RGL1: variants seen among roughly 807,000 people sequenced by gnomAD.
RGL1 encodes the protein ral guanine nucleotide dissociation stimulator-like 1.
A neutral mutation model predicts 95.2 loss-of-function variants in RGL1; 24 were observed. The ratio of observed to expected loss-of-function variants is 0.25; its 90% CI spans 0.18 to 0.35. The LOEUF (loss-of-function observed/expected upper bound fraction) is 0.35. Among genes scored for constraint, RGL1 ranks in the 10% least tolerant of loss-of-function variants. The pLI, the probability that RGL1 is intolerant of heterozygous loss-of-function variation, is 1.00. For missense variants in RGL1, 715 were observed against 936.3 expected (o/e 0.76, Z 3.08); for synonymous variants, 329 against 344.9 (o/e 0.95, Z 0.51).
chr1:183,831,865 A>G (rs1663281001), intron 2 of RGL1, among the ~76,000 whole-genome samples: 1 of 152,200 alleles, frequency 6.6e-6, no homozygotes, highest in South Asian at 2.1e-4. Flanking sequence ...AATAAATACA[A>G]CCTAATATGG....
At chr1:183,872,486 C>T (rs1666238947) in intron 4 of RGL1, among the ~76,000 whole-genome samples, 1 of 152,214 alleles carries the variant, frequency 6.6e-6, no homozygotes, top group South Asian at 2.1e-4. Flanking sequence ...CTCAAACTCT[C>T]TACCATAGTA....
intron 2 of RGL1, among the ~76,000 whole-genome samples, chr1:183,817,228 T>G (rs1662147711): frequency 6.6e-6 from 1 of 152,330 alleles, no homozygotes; most frequent in Non-Finnish European, 1.5e-5. Context: ...TGACCAACAC[T>G]GACCCTCATA....
intron 1 of RGL1, among the ~76,000 whole-genome samples, chr1:183,708,389 A>T (rs1400909614): frequency 6.6e-6 from 1 of 152,106 alleles, no homozygotes; most frequent in Non-Finnish European, 1.5e-5. Flanking sequence ...AATTAACAAG[A>T]CTTGGTTCAT....
rs578246067 is a variant in RGL1, at chr1:183,711,954, C to G, written c.-32-30172C>G. On this transcript the variant is annotated intron_variant, in intron 1 of 18. Coordinates refer to the RGL1 transcript ENST00000304685. ...GTCTTGAGTAAGCCTCTCAGTTTTC[C>G]CATCTATAAATCTAGAGTAGCAGTG... Among the ~76,000 whole-genome samples the G allele has an allele frequency of 5.3e-5, 8 of 152,230 alleles. No individual in the cohort carries two copies. The South Asian group carries it at 1.2e-3, about 24-fold the overall frequency.
chr1:183,667,391 C>G (rs576953992), intron 1 of RGL1, among the ~76,000 whole-genome samples: 1 of 152,250 alleles, frequency 6.6e-6, no homozygotes, highest in East Asian at 1.9e-4. Context: ...ATGGCGCGAT[C>G]TCGGCTCACC....
chr1:183,846,496 T>C lies in RGL1; in HGVS notation c.139-1070T>C, dbSNP rs569884579. On this transcript the variant is annotated intron_variant, in intron 2 of 17. Transcript: ENST00000360851. Reference sequence around the variant, plus strand: ...AACCACCATGGCATGTGTATACCTATGTAACAAACCTGCATATGTATCCCA... The same window carrying C: ...AACCACCATGGCATGTGTATACCTACGTAACAAACCTGCATATGTATCCCA... Among the ~76,000 whole-genome samples the C allele has an allele frequency of 2.0e-5, 3 of 151,490 alleles. No individual in the cohort carries two copies. The South Asian group carries it at 6.3e-4, about 32-fold the overall frequency.
intron 1 of RGL1, among the ~76,000 whole-genome samples, chr1:183,713,803 C>A (rs1655452186): frequency 1.3e-5 from 2 of 152,076 alleles, no homozygotes; most frequent in African/African-American, 4.8e-5. Flanking sequence ...GTTATAGAAG[C>A]CCTGTTGGAC....
intron 2 of RGL1, among the ~76,000 whole-genome samples, chr1:183,760,490 G>A (rs1356171840): frequency 1.3e-5 from 2 of 151,478 alleles, no homozygotes; most frequent in African/African-American, 4.9e-5. Flanking sequence ...CCAGCGCTGT[G>A]GGAGGCTGAG....
rs934185458 is a variant in RGL1, at chr1:183,897,789, G to A, written c.1141-19G>A. Reference sequence around the variant, plus strand: ...GGCATCCTGTATCAATTCCCTCTGTGTGCATTTCTGTTTCTCAGGAAGGAA... The same window carrying A: ...GGCATCCTGTATCAATTCCCTCTGTATGCATTTCTGTTTCTCAGGAAGGAA... On this transcript the variant is annotated intron_variant, in intron 9 of 17. Coordinates refer to ENST00000360851, the MANE Select transcript of RGL1 (RefSeq NM_001297671.3). 6.3e-7 allele frequency: 1 copy of A among 1,589,750 alleles called. No individual in the cohort carries two copies. The highest frequency in any genetic ancestry group is 8.6e-7 in the Non-Finnish European group (1 of 1,158,076).
intron 8 of RGL1, among the ~76,000 whole-genome samples, chr1:183,890,203 G>A (rs73047590): frequency 0.013 from 2,038 of 152,214 alleles, 57 homozygotes; most frequent in African/African-American, 0.047. Flanking sequence ...AACCTTGTCT[G>A]ATTGCCACGA....
intron 2 of RGL1, among the ~76,000 whole-genome samples, chr1:183,781,288 A>G (rs1190113816): frequency 1.3e-5 from 2 of 152,214 alleles, no homozygotes; most frequent in Non-Finnish European, 2.9e-5. Flanking sequence ...AATTTCTTCT[A>G]TGTAGACTGG....
intron 1 of RGL1, among the ~76,000 whole-genome samples, chr1:183,692,054 AAT>A (rs955573132): frequency 2.4e-4 from 36 of 150,500 alleles, no homozygotes; most frequent in Non-Finnish European, 4.1e-4. Context: ...TATATATTTT[AAT>A]ATATATATTA....
chr1:183,758,192 G>T (rs1378633208), intron 2 of RGL1, among the ~76,000 whole-genome samples: 1 of 142,418 alleles, frequency 7.0e-6, no homozygotes, highest in Admixed American at 7.3e-5. Context: ...GCTTATAAAC[G>T]ATAGAATTTT....
intron 9 of RGL1, among the ~76,000 whole-genome samples, chr1:183,897,195 T>C (rs1028282541): frequency 5.3e-5 from 8 of 152,176 alleles, no homozygotes; most frequent in African/African-American, 1.9e-4. Context: ...TGGCTTGTAT[T>C]GATGATTGCT....
intron 9 of RGL1, among the ~76,000 whole-genome samples, chr1:183,892,876 C>A (rs1262008331): frequency 6.6e-6 from 1 of 152,200 alleles, no homozygotes; most frequent in African/African-American, 2.4e-5. Flanking sequence ...CAAATATTAT[C>A]CTCATAGTCT....
At chr1:183,767,580 T>C (rs1389019193) in intron 2 of RGL1, among the ~76,000 whole-genome samples, 3 of 152,180 alleles carry the variant, frequency 2.0e-5, no homozygotes, top group Non-Finnish European at 2.9e-5. Context: ...ATAGAAAATA[T>C]AGTGTGAAAC....
intron 2 of RGL1, among the ~76,000 whole-genome samples, chr1:183,763,694 A>G (rs181891855): frequency 1.8e-4 from 27 of 152,370 alleles, no homozygotes; most frequent in Non-Finnish European, 3.7e-4. Flanking sequence ...CTTTATCTAT[A>G]AAGTGGGTAC....
At chr1:183,845,944 C>G (rs569929780) in intron 2 of RGL1, among the ~76,000 whole-genome samples, 1 of 152,278 alleles carries the variant, frequency 6.6e-6, no homozygotes, top group Admixed American at 6.5e-5. Context: ...CTCTAGGTTG[C>G]CTGTTCACTC....
At position 183,847,555 on chromosome 1, in the gene RGL1, T is replaced by G. The variant is rs1465257312; in HGVS notation, c.139-11T>G. The G allele has an allele frequency of 1.2e-6, 2 of 1,607,672 alleles. No individual in the cohort carries two copies. The highest frequency in any genetic ancestry group is 1.7e-6 in the Non-Finnish European group (2 of 1,176,976). Reference sequence around the variant, plus strand: ...ATTTCTCCTTATGGTAATTGTTAATTTATTATACAGGTTGAAGGGGACCAG... The same window carrying G: ...ATTTCTCCTTATGGTAATTGTTAATGTATTATACAGGTTGAAGGGGACCAG... On this transcript the variant is annotated splice_polypyrimidine_tract_variant and intron_variant, in intron 2 of 17. Transcript: ENST00000360851.
Sources: gnomAD v4.1 joint callset for allele counts (sites outside exome capture counted in the v4.1 genomes callset) on GRCh38, gnomAD v4.1.1 for gene constraint, MANE v1.5 for transcripts, NCBI Gene and HGNC (gene_info 2026-07-23, HGNC 2026-07-21) for gene names.